Variants in FAM227A observed in about 807,000 individuals in gnomAD.
FAM227A encodes the protein family with sequence similarity 227 member A.
In FAM227A, 80 loss-of-function variants were observed where a neutral mutation model predicts 74.7. The ratio of observed to expected loss-of-function variants is 1.07; its 90% CI spans 0.89 to 1.29. The LOEUF (loss-of-function observed/expected upper bound fraction) is 1.29, where lower values mean the gene tolerates loss of function less well. FAM227A is among the 50% of genes most tolerant of loss of function. The probability of loss-of-function intolerance (pLI) is 0.00; values close to 1 mark genes in which losing one functional copy is unlikely to be tolerated. For missense variants in FAM227A, 654 were observed against 683.4 expected (o/e 0.96, Z 0.48); for synonymous variants, 237 against 241.8 (o/e 0.98, Z 0.19).
chr22:38,647,985 GC>G (rs916887118), intron 2 of FAM227A, among the ~76,000 whole-genome samples: 6 of 152,200 alleles, frequency 3.9e-5, no homozygotes, highest in African/African-American at 1.4e-4. Context: ...CTTCTGAGAG[GC>G]AAGGAAGGTG....
chr22:38,645,565 G>A lies in FAM227A; in HGVS notation c.223C>T (p.Leu75=). Residue 75 remains leucine (L), a splice_region_variant and synonymous_variant, in exon 3 of 17, where the codon CTG becomes TTG. Coordinates refer to ENST00000535113, the MANE Select transcript of FAM227A (RefSeq NM_001013647.2). ...CAGCTCCAGCATAGGTAACTCACCA[G>A]GCTGTTGGCCGACGGCTCGGTACGC... The part of the protein sequence containing the change: ...NLRTEPSANS[L]AIERFELEKK... 2 of 1,550,560 alleles carry A rather than the reference G, an allele frequency of 1.3e-6. No homozygotes were observed. Among genetic ancestry groups the A allele is most frequent in the Non-Finnish European group, 8.7e-7 (1 of 1,146,030 alleles).
intron 3 of FAM227A, among the ~76,000 whole-genome samples, chr22:38,643,335 G>GT (rs959248464): frequency 4.6e-5 from 7 of 151,790 alleles, no homozygotes; most frequent in African/African-American, 1.7e-4. Flanking sequence ...AAAATAGTGG[G>GT]TGGGGGTTGG....
chr22:38,600,007 T>C lies in FAM227A; in HGVS notation c.1222-86A>G, dbSNP rs1241219745. The C allele has an allele frequency of 3.3e-6, 4 of 1,206,522 alleles. No homozygotes were observed. The East Asian group carries it at 8.0e-5, about 24-fold the overall frequency. 74.7% of individuals were successfully genotyped at this position (1,206,522 alleles called of 1,614,324 possible). On this transcript the variant is annotated intron_variant, in intron 13 of 16. Transcript: ENST00000535113. ...AACCAGAAAGGCATCAAAGCACTCA[T>C]GTCCTTTGATCCAGTAATTCCAGTT...
intron 1 of FAM227A, among the ~76,000 whole-genome samples, chr22:38,651,999 CAACG>C (rs1384849005): frequency 6.7e-6 from 1 of 148,974 alleles, no homozygotes; most frequent in East Asian, 2.1e-4. Context: ...CCAGCCTGGC[CAACG>C]TGGTGAAACG....
intron 3 of FAM227A, among the ~76,000 whole-genome samples, chr22:38,643,665 G>A (rs531077723): frequency 6.6e-6 from 1 of 152,262 alleles, no homozygotes; most frequent in South Asian, 2.1e-4. Context: ...CTTACATGAA[G>A]TGAAAACTTA....
intron 8 of FAM227A, among the ~76,000 whole-genome samples, chr22:38,626,891 AATATATATATATAT>A (rs1555966997): frequency 1.2e-4 from 7 of 57,686 alleles, no homozygotes; most frequent in African/African-American, 6.1e-4. Flanking sequence ...AAAAAAAAAA[AATATATATATATAT>A]ATATATATAC....
At chr22:38,589,556 C>T (rs749352557) in intron 16 of FAM227A, among the ~76,000 whole-genome samples, 2 of 152,064 alleles carry the variant, frequency 1.3e-5, no homozygotes, top group South Asian at 4.1e-4. Flanking sequence ...AGAGCACTCC[C>T]GACCTCAGTG....
chr22:38,608,675 C>T (rs1028010403), intron 11 of FAM227A, among the ~76,000 whole-genome samples: 9 of 152,080 alleles, frequency 5.9e-5, no homozygotes, highest in Admixed American at 5.9e-4. Flanking sequence ...AAGTGATCCA[C>T]CTGCCTCGGC....
intron 15 of FAM227A, 92 bp from the exon 16 acceptor site, chr22:38,591,632 G>A (rs538927717): frequency 1.8e-4 from 147 of 827,232 alleles, no homozygotes; most frequent in Admixed American, 3.8e-4. Flanking sequence ...ATAGATCCAC[G>A]TGACCATTTA....
intron 3 of FAM227A, among the ~76,000 whole-genome samples, chr22:38,641,752 T>C (rs1392490617): frequency 6.6e-6 from 1 of 152,030 alleles, no homozygotes; most frequent in Non-Finnish European, 1.5e-5. Context: ...TATCTCCATA[T>C]CTTAGAGCTC....
At chr22:38,600,590 G>A (rs377137532) in intron 13 of FAM227A, among the ~76,000 whole-genome samples, 2 of 151,886 alleles carry the variant, frequency 1.3e-5, no homozygotes, top group South Asian at 2.1e-4. Context: ...TGCCCGCCTT[G>A]GCCTCCCAAA....
At chr22:38,626,803 G>C (rs1279232452) in intron 8 of FAM227A, among the ~76,000 whole-genome samples, 1 of 130,170 alleles carries the variant, frequency 7.7e-6, no homozygotes, top group Admixed American at 8.7e-5. Flanking sequence ...GAACCAGGAG[G>C]ACAGAGGTTG....
chr22:38,613,116 T>TATATAATTATATA (rs1555959758), intron 11 of FAM227A, among the ~76,000 whole-genome samples: 28 of 91,124 alleles, frequency 3.1e-4, no homozygotes, highest in African/African-American at 1.3e-3. Context: ...TATATATATA[T>TATATAATTATATA]TATATATAAT....
intron 1 of FAM227A, among the ~76,000 whole-genome samples, chr22:38,652,559 G>T (rs890813433): frequency 6.8e-6 from 1 of 146,550 alleles, no homozygotes; most frequent in Non-Finnish European, 1.5e-5. Context: ...CTGCACTCCA[G>T]CCTGGGCGAC....
Position 38,582,656 on chromosome 22 carries a change from C to A in FAM227A, c.*3469G>T, listed in dbSNP as rs2090725200. The stretch of plus-strand genomic sequence containing the variant: ...TGGAAAGGGTCCATGCAGGGATGAT[C>A]TTGGACTGTGCAACAAATGGTCCTG... On this transcript the variant is annotated 3_prime_UTR_variant, in exon 17 of 17. Transcript: ENST00000535113. 6.4e-6 allele frequency: 5 copies of A among 776,732 alleles called. No individual in the cohort carries two copies. The highest frequency in any genetic ancestry group is 2.7e-5 in the Admixed American group (1 of 36,990). 48.1% of individuals were successfully genotyped at this position (776,732 alleles called of 1,614,324 possible). A position where few individuals can be genotyped will look rare whatever the true frequency, so the allele number is the denominator to read the frequency against.
chr22:38,655,983 C>CT (rs1285708312), intron 1 of FAM227A, 137 bp downstream of exon 1: 1 of 152,286 alleles, frequency 6.6e-6, no homozygotes, highest in African/African-American at 2.4e-5. Context: ...CAGTAGTTCT[C>CT]TGTCCCTTCC....
chr22:38,647,684 A>T (rs2092263389), intron 2 of FAM227A, among the ~76,000 whole-genome samples: 1 of 151,978 alleles, frequency 6.6e-6, no homozygotes, highest in African/African-American at 2.4e-5. Context: ...TCTTAGCCTC[A>T]ATTGATCTAG....
intron 3 of FAM227A, 135 bp downstream of exon 3, chr22:38,645,428 T>C (rs1213327941): frequency 3.3e-6 from 2 of 606,018 alleles, no homozygotes; most frequent in East Asian, 6.4e-5. Context: ...TTTAAAAAAA[T>C]TAACTTTGAA....
chr22:38,644,145 CAA>C (rs950184744), intron 3 of FAM227A, among the ~76,000 whole-genome samples: 11 of 43,598 alleles, frequency 2.5e-4, no homozygotes, highest in South Asian at 1.1e-3. Context: ...GACTCCATCT[CAA>C]AAAAAAAAAA....
Sources: gnomAD v4.1 joint callset for allele counts (sites outside exome capture counted in the v4.1 genomes callset) on GRCh38, gnomAD v4.1.1 for gene constraint, MANE v1.5 for transcripts, NCBI Gene and HGNC (gene_info 2026-07-23, HGNC 2026-07-21) for gene names.